The following ADAMTS12 variants were observed in gnomAD, a reference collection of about 807,000 sequenced individuals.
The protein encoded by ADAMTS12 is A disintegrin and metalloproteinase with thrombospondin motifs 12.
ADAMTS12 carries 118 observed loss-of-function variants against 167.8 expected under a neutral mutation model. That is an observed-to-expected ratio of 0.70 (90% CI 0.61 to 0.82). The LOEUF is 0.82. ADAMTS12 is among the 40% of genes least tolerant of loss of function. The pLI, the probability that ADAMTS12 is intolerant of heterozygous loss-of-function variation, is 0.00. For synonymous variants in ADAMTS12, 704 were observed against 716.9 expected, an observed-to-expected ratio of 0.98 and a Z score of 0.29; for missense variants, 1,916 against 1,998.8, an observed-to-expected ratio of 0.96 and a Z score of 0.79.
At chr5:33,568,859 A>G (rs1265527102) in intron 19 of ADAMTS12, among the ~76,000 whole-genome samples, 1 of 152,196 alleles carries the variant, frequency 6.6e-6, no homozygotes, top group Non-Finnish European at 1.5e-5. Flanking sequence ...GGGGTGACAG[A>G]TGGCACCTGG....
At chr5:33,751,999 A>G (rs1745005388) in intron 2 of ADAMTS12, among the ~76,000 whole-genome samples, 1 of 152,208 alleles carries the variant, frequency 6.6e-6, no homozygotes, top group African/African-American at 2.4e-5. Flanking sequence ...TGTTCACACA[A>G]CTGTGTGGCT....
At chr5:33,886,703 G>A (rs1040217067) in intron 1 of ADAMTS12, among the ~76,000 whole-genome samples, 2 of 152,036 alleles carry the variant, frequency 1.3e-5, no homozygotes, top group African/African-American at 2.4e-5. Flanking sequence ...GGATAAGATC[G>A]GTTTTCCCTC....
rs1554044254 is a variant in ADAMTS12 at position 33,809,997 on chromosome 5, A to AAC, written c.490-58450_490-58449insGT. 6.3e-5 allele frequency among the ~76,000 whole-genome samples: 9 copies of AAC among 143,394 alleles called. No homozygotes were observed. The East Asian group carries it at 1.7e-3, about 28-fold the overall frequency. The allele number at this position is 143,394 out of a possible 152,430, so 94.1% of individuals were successfully genotyped here. ...GAAGTTTAACAGAAAAAAAAAAAAA[A>AAC]AAAACAGATTAGAAGCACTGAAAAT... On this transcript the variant is annotated intron_variant, in intron 2 of 23. Transcript: ENST00000504830.
chr5:33,541,935 G>C (rs370337601), intron 22 of ADAMTS12, among the ~76,000 whole-genome samples: 1 of 152,050 alleles, frequency 6.6e-6, no homozygotes, highest in African/African-American at 2.4e-5. Context: ...ATCAATTAAC[G>C]GGCAAAATAA....
At position 33,624,327 on chromosome 5, in the gene ADAMTS12, CGAT is replaced by C; in HGVS notation, c.2044_2046del (p.Ile682del). ...CAGCGATCCTCGGTGGCATTGGAAT[CGAT>C]CTCATAGTCACAGCCAACCATCTGT... On this transcript the variant is annotated inframe_deletion, in exon 14 of 24. Transcript: ENST00000504830. The C allele has an allele frequency of 2.5e-6, 4 of 1,614,050 alleles. No homozygotes were observed. The highest frequency in any genetic ancestry group is 3.4e-6 in the Non-Finnish European group (4 of 1,179,940).
intron 3 of ADAMTS12, among the ~76,000 whole-genome samples, chr5:33,693,929 T>A (rs1742651135): frequency 6.6e-6 from 1 of 152,198 alleles, no homozygotes; most frequent in Non-Finnish European, 1.5e-5. Flanking sequence ...CCCCACTGTC[T>A]CCTAGATCTG....
intron 2 of ADAMTS12, among the ~76,000 whole-genome samples, chr5:33,755,669 C>A (rs1308210633): frequency 6.6e-6 from 1 of 152,112 alleles, no homozygotes; most frequent in Non-Finnish European, 1.5e-5. Flanking sequence ...TTCTGGAGTA[C>A]CACAAGTAAA....
chr5:33,583,408 G>C (rs560333204), intron 18 of ADAMTS12, among the ~76,000 whole-genome samples: 4 of 152,142 alleles, frequency 2.6e-5, no homozygotes, highest in African/African-American at 9.7e-5. Flanking sequence ...GGACACTTGG[G>C]TTGCTTCCAA....
intron 1 of ADAMTS12, among the ~76,000 whole-genome samples, chr5:33,883,489 A>G (rs1484725294): frequency 6.6e-6 from 1 of 151,904 alleles, no homozygotes; most frequent in East Asian, 1.9e-4. Flanking sequence ...GCCCGGACCC[A>G]TTACTTCCTA....
At chr5:33,774,253 C>T (rs1477367196) in intron 2 of ADAMTS12, among the ~76,000 whole-genome samples, 1 of 152,082 alleles carries the variant, frequency 6.6e-6, no homozygotes, top group Non-Finnish European at 1.5e-5. Flanking sequence ...CATTCCTGCC[C>T]ATGGACAATT....
intron 3 of ADAMTS12, among the ~76,000 whole-genome samples, chr5:33,702,828 C>G (rs945549258): frequency 1.6e-4 from 24 of 152,112 alleles, no homozygotes; most frequent in Non-Finnish European, 2.9e-4. Flanking sequence ...GCAGAAGTAA[C>G]GCTATTTCAG....
chr5:33,732,139 C>A (rs927753095), intron 3 of ADAMTS12, among the ~76,000 whole-genome samples: 1 of 152,180 alleles, frequency 6.6e-6, no homozygotes, highest in Non-Finnish European at 1.5e-5. Context: ...CTAGTGATGT[C>A]TGCCCAGCAC....
At chr5:33,595,172 T>C (rs1395352480) in intron 17 of ADAMTS12, among the ~76,000 whole-genome samples, 1 of 151,922 alleles carries the variant, frequency 6.6e-6, no homozygotes. Context: ...TTTCTCTCTC[T>C]TTTTTTTAAA....
At chr5:33,529,706 A>G (rs533475709) in intron 23 of ADAMTS12, among the ~76,000 whole-genome samples, 2 of 152,146 alleles carry the variant, frequency 1.3e-5, no homozygotes, top group Non-Finnish European at 2.9e-5. Flanking sequence ...ATTTTTGTGA[A>G]GAAATGAATG....
intron 1 of ADAMTS12, among the ~76,000 whole-genome samples, chr5:33,881,734 G>GTTTT (rs11295558): frequency 1.7e-5 from 2 of 120,186 alleles, no homozygotes; most frequent in Non-Finnish European, 3.6e-5. Context: ...GGCTAATTTT[G>GTTTT]TTTTTTTTTT....
At chr5:33,812,553 T>C (rs1275953095) in intron 2 of ADAMTS12, among the ~76,000 whole-genome samples, 1 of 152,216 alleles carries the variant, frequency 6.6e-6, no homozygotes, top group African/African-American at 2.4e-5. Flanking sequence ...ATAACTGTTA[T>C]TCTGACATTC....
chr5:33,838,435 C>A (rs1408031226), intron 2 of ADAMTS12, among the ~76,000 whole-genome samples: 1 of 152,184 alleles, frequency 6.6e-6, no homozygotes, highest in East Asian at 1.9e-4. Context: ...GTAATCCCAG[C>A]ACTTTGGGAA....
intron 2 of ADAMTS12, among the ~76,000 whole-genome samples, chr5:33,853,977 G>A (rs184284846): frequency 3.9e-5 from 6 of 152,350 alleles, no homozygotes; most frequent in Admixed American, 6.5e-5. Context: ...AAGTAACACA[G>A]TGCATAGTCG....
At chr5:33,768,070 C>T (rs553159995) in intron 2 of ADAMTS12, among the ~76,000 whole-genome samples, 8 of 152,170 alleles carry the variant, frequency 5.3e-5, no homozygotes, top group African/African-American at 1.9e-4. Context: ...AAAAAAAATG[C>T]CCTGGGGAGG....
Sources: allele counts gnomAD v4.1 joint callset (sites outside exome capture counted in the v4.1 genomes callset), GRCh38; gene constraint gnomAD v4.1.1; transcripts MANE v1.5; gene names NCBI Gene and HGNC (gene_info 2026-07-23, HGNC 2026-07-21).